The following NCKAP1 variants were observed in gnomAD, a reference collection of about 807,000 sequenced individuals.
NCKAP1 encodes nck-associated protein 1.
NCKAP1 carries 21 observed loss-of-function variants against 151.2 expected under a neutral mutation model. That is an observed-to-expected ratio of 0.14 (90% CI 0.10 to 0.20). NCKAP1 has a LOEUF of 0.20. NCKAP1 is among the 10% of genes least tolerant of loss of function. The probability of loss-of-function intolerance (pLI) is 1.00; values close to 1 mark genes in which losing one functional copy is unlikely to be tolerated. For missense variants in NCKAP1, 933 were observed against 1,352.1 expected, an observed-to-expected ratio of 0.69 and a Z score of 4.86; for synonymous variants, 484 against 451.8, an observed-to-expected ratio of 1.07 and a Z score of -0.90.
Position 182,946,884 on chromosome 2 carries a change from A to T in NCKAP1, c.2602-4721T>A, listed in dbSNP as rs889522767. ...TCTTATAATGGAGATAAAATGCAGA[A>T]GCAAGTTAAATCACACCTCAAGAGG... On this transcript the variant is annotated intron_variant, in intron 23 of 30. Transcript: ENST00000361354. 8 of 152,232 alleles carry T rather than the reference A, an allele frequency of 5.3e-5. No individual in the cohort carries two copies. The East Asian group carries it at 1.5e-3, about 29-fold the overall frequency. 9.4% of individuals were successfully genotyped at this position (152,232 alleles called of 1,614,324 possible). A position where few individuals can be genotyped will look rare whatever the true frequency, so the allele number is the denominator to read the frequency against.
intron 28 of NCKAP1, 76 bp downstream of exon 28, chr2:182,928,707 C>A: frequency 9.8e-7 from 1 of 1,025,048 alleles, no homozygotes; most frequent in Non-Finnish European, 1.4e-6. Context: ...AGTGGCAGAA[C>A]TTAACTCATA....
chr2:182,978,928 C>CA lies in NCKAP1; in HGVS notation c.1342-14dup. 6.3e-7 allele frequency: 1 copy of CA among 1,583,944 alleles called. No individual in the cohort carries two copies. Among genetic ancestry groups the CA allele is most frequent in the Non-Finnish European group, 8.7e-7 (1 of 1,156,038 alleles). ...AAACAGAAAGATTCTGAAAAACAAA[C>CA]AAAAAGTAACGTTAAAAACATCTAT... On this transcript the variant is annotated splice_polypyrimidine_tract_variant and intron_variant, in intron 13 of 30. Transcript: ENST00000361354.
At chr2:182,943,948 C>A (rs1697048252) in intron 23 of NCKAP1, among the ~76,000 whole-genome samples, 1 of 152,116 alleles carries the variant, frequency 6.6e-6, no homozygotes, top group Non-Finnish European at 1.5e-5. Flanking sequence ...AATGGTTCCC[C>A]ATCTTTTGTG....
rs1011281925 is a variant in NCKAP1, at chr2:182,952,352, A to G, written c.2601+53T>C. 7.6e-6 allele frequency: 9 copies of G among 1,180,572 alleles called. No homozygotes were observed. In the African/African-American group the frequency reaches 1.2e-4, roughly 16 times the overall value. The allele number at this position is 1,180,572 out of a possible 1,614,324, so 73.1% of individuals were successfully genotyped here. ...TAGGCTTGTTGCTCATATCCCTGAA[A>G]TGTTTTTCAGGAATTAATGTTTAAA... is the stretch of plus-strand genomic sequence containing the variant. On this transcript the variant is annotated intron_variant, in intron 23 of 30. Coordinates refer to ENST00000361354, the MANE Select transcript of NCKAP1 (RefSeq NM_013436.5).
At chr2:182,936,251 T>TA (rs925294524) in intron 24 of NCKAP1, among the ~76,000 whole-genome samples, 24 of 150,682 alleles carry the variant, frequency 1.6e-4, no homozygotes, top group Admixed American at 3.3e-4. Context: ...ACCCCATCTC[T>TA]AAAAAAAAAT....
At chr2:182,961,804 G>A (rs183956145) in intron 18 of NCKAP1, among the ~76,000 whole-genome samples, 33 of 151,876 alleles carry the variant, frequency 2.2e-4, no homozygotes, top group South Asian at 4.2e-4. Context: ...AGCCAATGAC[G>A]GGGCAATCTG....
intron 13 of NCKAP1, among the ~76,000 whole-genome samples, chr2:182,980,378 A>C (rs1276870525): frequency 6.6e-6 from 1 of 151,956 alleles, no homozygotes; most frequent in South Asian, 2.1e-4. Flanking sequence ...AGATCTTCAA[A>C]GTATGGTTAT....
intron 23 of NCKAP1, among the ~76,000 whole-genome samples, chr2:182,948,067 C>A (rs957270981): frequency 6.6e-6 from 1 of 152,112 alleles, no homozygotes; most frequent in African/African-American, 2.4e-5. Context: ...GGAATCCTTA[C>A]AATTAACCTT....
chr2:183,005,044 T>C (rs1424376613), intron 2 of NCKAP1, among the ~76,000 whole-genome samples: 3 of 152,172 alleles, frequency 2.0e-5, no homozygotes, highest in Admixed American at 6.5e-5. Flanking sequence ...TTCAGAACGA[T>C]TCCATGTTTA....
chr2:183,015,569 C>T (rs1698668328), intron 2 of NCKAP1, among the ~76,000 whole-genome samples: 1 of 151,538 alleles, frequency 6.6e-6, no homozygotes, highest in African/African-American at 2.4e-5. Flanking sequence ...ACTATAATTT[C>T]AGAAAGTCAT....
intron 2 of NCKAP1, 81 bp downstream of exon 2, chr2:183,023,725 A>G (rs1698837708): frequency 9.5e-7 from 1 of 1,049,448 alleles, no homozygotes; most frequent in African/African-American, 1.6e-5. Context: ...GGTAAATAAG[A>G]GCTACTATAA....
At position 182,997,382 on chromosome 2, in the gene NCKAP1, C is replaced by T. The variant is rs190617472; in HGVS notation, c.604-1544G>A. ...GCTATTTTTATCATCGTTTTAGTGC[C>T]ATAAACTTTCCTCTTAACACTGCTT... On this transcript the variant is annotated intron_variant, in intron 6 of 30. Coordinates refer to ENST00000361354, the MANE Select transcript of NCKAP1 (RefSeq NM_013436.5). Among the ~76,000 whole-genome samples the T allele has an allele frequency of 6.7e-3, 1,017 of 152,238 alleles. 8 individuals are homozygous for T. Among genetic ancestry groups the T allele is most frequent in the Non-Finnish European group, 0.012 (797 of 68,018 alleles).
chr2:182,977,563 T>C (rs984629646), intron 14 of NCKAP1, among the ~76,000 whole-genome samples: 3 of 152,164 alleles, frequency 2.0e-5, no homozygotes, highest in Non-Finnish European at 2.9e-5. Context: ...CATGCTACTA[T>C]GGCTGAACTT....
At chr2:182,962,314 TA>T in intron 17 of NCKAP1, 36 bp from the exon 18 acceptor site, 2 of 1,542,090 alleles carry the variant, frequency 1.3e-6, no homozygotes, top group Non-Finnish European at 8.8e-7. Context: ...ATACAAGTTA[TA>T]AAGAAAGTAC....
At chr2:182,973,710 C>A (rs1353499695) in intron 15 of NCKAP1, among the ~76,000 whole-genome samples, 3 of 152,164 alleles carry the variant, frequency 2.0e-5, no homozygotes, top group African/African-American at 7.2e-5. Flanking sequence ...GCACTTCTAC[C>A]TGAAACCAAA....
In NCKAP1 at chr2:182,976,934, A is replaced by G; in HGVS notation, c.1441T>C (p.Phe481Leu). ...TCTAATCTCATTCCTCTGAAATCAA[A>G]TACTTCCCCATCTTCAACTGTAGTA... ...SVKQVEDGEV[F>L]DFRGMRLDWF... is the part of the protein sequence containing the mutation. Residue 481 changes from phenylalanine (F) to leucine (L), a missense_variant, in exon 15 of 31, where the codon TTT becomes CTT. By Grantham distance (22) the Phe-to-Leu change is conservative. Around this residue, in one of 2 missense-constraint regions of NCKAP1, gnomAD observed 607 missense variants for 795.0 expected, o/e 0.76. Coordinates refer to ENST00000361354, the MANE Select transcript of NCKAP1 (RefSeq NM_013436.5). 6.5e-7 allele frequency: 1 copy of G among 1,543,514 alleles called. No individual in the cohort carries two copies. The highest frequency in any genetic ancestry group is 1.2e-5 in the South Asian group (1 of 80,392).
chr2:182,989,260 G>T, intron 8 of NCKAP1, 74 bp from the exon 9 acceptor site: 1 of 1,193,958 alleles, frequency 8.4e-7, no homozygotes, highest in Non-Finnish European at 1.2e-6. Flanking sequence ...TGTAGCTTTT[G>T]AAAAATACAG....
At chr2:182,988,749 A>C (rs973997072) in intron 9 of NCKAP1, among the ~76,000 whole-genome samples, 1 of 152,238 alleles carries the variant, frequency 6.6e-6, no homozygotes, top group South Asian at 2.1e-4. Context: ...CTAAAATCAT[A>C]TATGACTTGC....
chr2:182,952,995 C>A, intron 21 of NCKAP1, 72 bp from the exon 22 acceptor site: 1 of 1,503,272 alleles, frequency 6.7e-7, no homozygotes, highest in Non-Finnish European at 9.0e-7. Flanking sequence ...TACATTCCTG[C>A]ATATAATTTT....
Sources: allele counts gnomAD v4.1 joint callset (sites outside exome capture counted in the v4.1 genomes callset), GRCh38; gene constraint gnomAD v4.1.1; regional missense constraint gnomAD v4.1.1; transcripts MANE v1.5; gene names NCBI Gene and HGNC (gene_info 2026-07-23, HGNC 2026-07-21).